Variants in DAPK1 observed in about 807,000 individuals in gnomAD.
DAPK1 encodes death associated protein kinase 1.
DAPK1 carries 56 observed loss-of-function variants against 144.9 expected under a neutral mutation model. That is an observed-to-expected ratio of 0.39 (90% confidence interval 0.31 to 0.48). The LOEUF (loss-of-function observed/expected upper bound fraction) is 0.48. Among genes scored for constraint, DAPK1 ranks in the 20% least tolerant of loss-of-function variants. DAPK1 has a pLI of 0.95. For synonymous variants in DAPK1, 690 were observed against 749.0 expected (o/e 0.92, Z 1.29); for missense variants, 1,454 against 1,875.4 (o/e 0.78, Z 4.15).
intron 2 of DAPK1, among the ~76,000 whole-genome samples, chr9:87,560,425 C>G (rs758992078): frequency 2.6e-5 from 4 of 152,156 alleles, no homozygotes; most frequent in Non-Finnish European, 5.9e-5. Flanking sequence ...CACATTGTTG[C>G]GTGACACTTC....
At chr9:87,602,199 CA>C (rs1828547428) in intron 2 of DAPK1, among the ~76,000 whole-genome samples, 1 of 152,188 alleles carries the variant, frequency 6.6e-6, no homozygotes, top group Non-Finnish European at 1.5e-5. Flanking sequence ...AGGTCTAGAA[CA>C]AGTTTCCCAA....
intron 24 of DAPK1, among the ~76,000 whole-genome samples, chr9:87,701,472 GCAAA>G (rs1825449770): frequency 1.3e-5 from 2 of 152,044 alleles, no homozygotes; most frequent in South Asian, 2.1e-4. Flanking sequence ...TTTTTTTCTA[GCAAA>G]CAAATTAAGT....
At chr9:87,597,508 T>A (rs1828360984) in intron 2 of DAPK1, among the ~76,000 whole-genome samples, 1 of 152,182 alleles carries the variant, frequency 6.6e-6, no homozygotes, top group Non-Finnish European at 1.5e-5. Flanking sequence ...TGAAATCCTG[T>A]CTTCTTGGCT....
chr9:87,611,009 G>T (rs1421384399), intron 3 of DAPK1, among the ~76,000 whole-genome samples: 1 of 151,878 alleles, frequency 6.6e-6, no homozygotes, highest in African/African-American at 2.4e-5. Flanking sequence ...AAGTATGTGA[G>T]CACATACTTT....
At chr9:87,647,257 G>C in intron 13 of DAPK1, 48 bp from the exon 14 acceptor site, 1 of 1,452,524 alleles carries the variant, frequency 6.9e-7, no homozygotes. Flanking sequence ...CATGCATCTG[G>C]TGCTGTCAGC....
chr9:87,620,212 C>G (rs1829241272), intron 3 of DAPK1, among the ~76,000 whole-genome samples: 1 of 152,168 alleles, frequency 6.6e-6, no homozygotes, highest in Non-Finnish European at 1.5e-5. Flanking sequence ...GTCTCTGATT[C>G]CCTCTCCTCT....
chr9:87,497,797 G>A, upstream of DAPK1: 1 of 364,040 alleles, frequency 2.7e-6, no homozygotes, highest in Non-Finnish European at 4.9e-6. Flanking sequence ...CCGCCAGCCC[G>A]CTTGCAGGGT....
intron 2 of DAPK1, among the ~76,000 whole-genome samples, chr9:87,589,188 C>A (rs140326693): frequency 6.6e-6 from 1 of 150,894 alleles, no homozygotes; most frequent in East Asian, 1.9e-4. Context: ...GGATTACAGG[C>A]GTGAGCCACC....
At chr9:87,600,393 C>A (rs1046304225) in intron 2 of DAPK1, among the ~76,000 whole-genome samples, 1 of 151,996 alleles carries the variant, frequency 6.6e-6, no homozygotes, top group South Asian at 2.1e-4. Flanking sequence ...TCTAGACCAG[C>A]CTAGGCAACA....
chr9:87,642,512 G>C (rs1407931889), intron 10 of DAPK1, among the ~76,000 whole-genome samples: 7 of 152,106 alleles, frequency 4.6e-5, no homozygotes, highest in Non-Finnish European at 1.0e-4. Flanking sequence ...AGGGTGGCCT[G>C]TTCTCCTTCC....
At chr9:87,517,215 C>T (rs1433658289) in intron 2 of DAPK1, among the ~76,000 whole-genome samples, 1 of 151,806 alleles carries the variant, frequency 6.6e-6, no homozygotes, top group East Asian at 1.9e-4. Context: ...TTAGTGGGCA[C>T]CGATAGCAGG....
In DAPK1 at chr9:87,707,411, G is replaced by A. The variant is rs1207752098; in HGVS notation, c.*47G>A. ...GGGTCTGTTTGGACTGCAGAAGCAA[G>A]GGGGTGATGTAGCCCATCCTTCCCT... On this transcript the variant is annotated 3_prime_UTR_variant, in exon 26 of 26. Coordinates refer to ENST00000408954, the MANE Select transcript of DAPK1 (RefSeq NM_004938.4). The surrounding 1 kb of genome is among the most constrained non-coding windows in gnomAD (Gnocchi z 4.0). The A allele has an allele frequency of 2.2e-6, 3 of 1,335,130 alleles. No individual in the cohort carries two copies. The highest frequency in any genetic ancestry group is 2.3e-4 in the Middle Eastern group (1 of 4,356). The allele number at this position is 1,335,130 out of a possible 1,614,324, so 82.7% of individuals were successfully genotyped here.
At chr9:87,515,658 A>C (rs914818196) in intron 2 of DAPK1, among the ~76,000 whole-genome samples, 5 of 152,112 alleles carry the variant, frequency 3.3e-5, no homozygotes, top group African/African-American at 1.2e-4. Flanking sequence ...CTAAATACCC[A>C]CCTGGTGGGG....
In DAPK1 at chr9:87,658,010, C is replaced by CT; in HGVS notation, c.1825-13dup. ...CTGCGTGAGAAGAACGACCTTTGGC[C>CT]TTTTTTCTCTCTTCCCAGTATGGGC... On this transcript the variant is annotated intron_variant, in intron 17 of 25. Coordinates refer to ENST00000408954, the MANE Select transcript of DAPK1 (RefSeq NM_004938.4). 4 of 1,024,244 alleles carry CT rather than the reference C, an allele frequency of 3.9e-6. No individual in the cohort carries two copies. Among genetic ancestry groups the CT allele is most frequent in the Non-Finnish European group, 6.2e-6 (4 of 647,570 alleles). The allele number at this position is 1,024,244 out of a possible 1,614,324, so 63.4% of individuals were successfully genotyped here. A position where few individuals can be genotyped will look rare whatever the true frequency, so the allele number is the denominator to read the frequency against.
chr9:87,607,807 T>C (rs905058700), intron 3 of DAPK1, among the ~76,000 whole-genome samples: 1 of 152,174 alleles, frequency 6.6e-6, no homozygotes, highest in African/African-American at 2.4e-5. Context: ...TGGCAAGCCC[T>C]GAGCTGGTCT....
chr9:87,576,580 C>T (rs770191666), intron 2 of DAPK1, among the ~76,000 whole-genome samples: 6 of 152,066 alleles, frequency 3.9e-5, no homozygotes, highest in Non-Finnish European at 7.4e-5. Context: ...TTGTTTGAGA[C>T]GGAGTCTCTC....
At chr9:87,551,047 G>A (rs577971844) in intron 2 of DAPK1, among the ~76,000 whole-genome samples, 2 of 152,352 alleles carry the variant, frequency 1.3e-5, no homozygotes, top group African/African-American at 4.8e-5. Context: ...CAGCAGCCGG[G>A]ATGGCTCTTC....
intron 3 of DAPK1, among the ~76,000 whole-genome samples, chr9:87,636,001 G>A (rs1829882620): frequency 6.6e-6 from 1 of 152,162 alleles, no homozygotes; most frequent in Non-Finnish European, 1.5e-5. Context: ...TATAGTTGAA[G>A]GATTTTCTCT....
chr9:87,597,306 G>C (rs1308847337), intron 2 of DAPK1, among the ~76,000 whole-genome samples: 1 of 152,204 alleles, frequency 6.6e-6, no homozygotes, highest in Non-Finnish European at 1.5e-5. Context: ...CCAGCTGAAA[G>C]CTTCAGCATC....
Sources: gnomAD v4.1 joint callset for allele counts (sites outside exome capture counted in the v4.1 genomes callset) on GRCh38, gnomAD v4.1.1 for gene constraint, Gnocchi (gnomAD v3.1) non-coding constraint, MANE v1.5 for transcripts, NCBI Gene and HGNC (gene_info 2026-07-23, HGNC 2026-07-21) for gene names.